The following ZBTB20 variants were observed in gnomAD, a reference collection of about 807,000 sequenced individuals.
ZBTB20 encodes zinc finger and BTB domain-containing protein 20.
In ZBTB20, 9 loss-of-function variants were observed where a neutral mutation model predicts 56.9. That is an observed-to-expected ratio of 0.16 (90% CI 0.10 to 0.28). The LOEUF (loss-of-function observed/expected upper bound fraction) is 0.28, where lower values mean the gene tolerates loss of function less well. Ranked by LOEUF, ZBTB20 falls within the 10% of genes least tolerant of loss-of-function variation. The probability of loss-of-function intolerance (pLI) is 1.00; values close to 1 mark genes in which losing one functional copy is unlikely to be tolerated. For synonymous variants in ZBTB20, 417 were observed against 420.7 expected, an observed-to-expected ratio of 0.99 and a Z score of 0.11; for missense variants, 655 against 1,003.0, an observed-to-expected ratio of 0.65 and a Z score of 4.69.
At chr3:114,800,721 A>G (rs2108839033) in intron 5 of ZBTB20, among the ~76,000 whole-genome samples, 1 of 151,668 alleles carries the variant, frequency 6.6e-6, no homozygotes, top group South Asian at 2.1e-4. Context: ...TGATTCCAAA[A>G]GAAATCTTTT....
chr3:115,091,140 A>G (rs929562074), intron 1 of ZBTB20, among the ~76,000 whole-genome samples: 2 of 152,016 alleles, frequency 1.3e-5, no homozygotes, highest in Admixed American at 6.6e-5. Context: ...AAATAAAAAA[A>G]TGGAATATTC....
intron 1 of ZBTB20, among the ~76,000 whole-genome samples, chr3:115,115,739 T>C (rs2083999396): frequency 6.6e-6 from 1 of 152,074 alleles, no homozygotes; most frequent in Non-Finnish European, 1.5e-5. Context: ...GTCTTCTAAA[T>C]ATTAATTTAA....
intron 3 of ZBTB20, among the ~76,000 whole-genome samples, chr3:114,965,922 T>A (rs1342362046): frequency 2.0e-5 from 3 of 152,174 alleles, no homozygotes; most frequent in Non-Finnish European, 4.4e-5. Flanking sequence ...TTATCAGGTG[T>A]ACATTTTGAA....
At chr3:114,446,963 T>G (rs1423546428) in intron 7 of ZBTB20, among the ~76,000 whole-genome samples, 1 of 152,170 alleles carries the variant, frequency 6.6e-6, no homozygotes, top group Admixed American at 6.6e-5. Context: ...GGAAGATAAT[T>G]TATTACATAC....
chr3:114,892,004 G>A (rs1332630854), intron 4 of ZBTB20, among the ~76,000 whole-genome samples: 1 of 151,604 alleles, frequency 6.6e-6, no homozygotes, highest in Admixed American at 6.6e-5. Flanking sequence ...CCGTGATCGC[G>A]CCTCTGCACT....
intron 6 of ZBTB20, among the ~76,000 whole-genome samples, chr3:114,582,893 G>T (rs1336028950): frequency 2.0e-5 from 3 of 152,158 alleles, no homozygotes; most frequent in Non-Finnish European, 4.4e-5. Flanking sequence ...TTCACTTCTT[G>T]ACTGACTATA....
intron 4 of ZBTB20, among the ~76,000 whole-genome samples, chr3:114,859,369 C>T (rs192005551): frequency 0.012 from 1,802 of 148,336 alleles, 36 homozygotes; most frequent in African/African-American, 0.043. Flanking sequence ...CTTCTCCTTC[C>T]TTTCTTCCTT....
chr3:114,474,123 A>G lies in ZBTB20; in HGVS notation c.-255+26229T>C, dbSNP rs142715197. Among the ~76,000 whole-genome samples, 1,141 of 152,294 alleles carry G rather than the reference A, an allele frequency of 7.5e-3. 8 individuals are homozygous for G. Among genetic ancestry groups the G allele is most frequent in the Non-Finnish European group, 0.01 (689 of 68,004 alleles). ...CTATCATGAGAATAGCACAGGAAAG[A>G]CAAGCCCCCTGATTCAATTACCTCC... On this transcript the variant is annotated intron_variant, in intron 7 of 11. Transcript: ENST00000675478.
At chr3:114,573,062 C>A (rs1273155848) in intron 6 of ZBTB20, among the ~76,000 whole-genome samples, 1 of 152,154 alleles carries the variant, frequency 6.6e-6, no homozygotes, top group Non-Finnish European at 1.5e-5. Context: ...AAACAAAGAA[C>A]AATCTAGATT....
chr3:115,045,647 G>A (rs577142374), intron 2 of ZBTB20, among the ~76,000 whole-genome samples: 18 of 151,888 alleles, frequency 1.2e-4, no homozygotes, highest in Middle Eastern at 3.4e-3. Flanking sequence ...CACTAACATG[G>A]AAGACTTTTA....
chr3:114,621,260 C>T (rs1391752140), intron 6 of ZBTB20, among the ~76,000 whole-genome samples: 2 of 152,102 alleles, frequency 1.3e-5, no homozygotes, highest in African/African-American at 4.8e-5. Flanking sequence ...AAATACTGTT[C>T]ATAAATATTT....
chr3:114,588,484 C>A (rs998376148), intron 6 of ZBTB20, among the ~76,000 whole-genome samples: 1 of 152,136 alleles, frequency 6.6e-6, no homozygotes, highest in South Asian at 2.1e-4. Context: ...TCCCTGGTCT[C>A]TTTTAGTGTA....
At chr3:115,046,338 G>GA (rs144698930) in intron 2 of ZBTB20, among the ~76,000 whole-genome samples, 7,543 of 151,184 alleles carry the variant, frequency 0.05, 630 homozygotes, top group African/African-American at 0.17. Context: ...AAAGTTGTTA[G>GA]AAAAAAAAAG....
intron 6 of ZBTB20, among the ~76,000 whole-genome samples, chr3:114,538,706 T>C (rs2048765115): frequency 1.3e-5 from 2 of 152,204 alleles, no homozygotes; most frequent in African/African-American, 4.8e-5. Context: ...GTCCTGTTTG[T>C]GTCTGAGCAT....
At chr3:115,008,068 T>C (rs557383269) in intron 2 of ZBTB20, among the ~76,000 whole-genome samples, 1 of 151,958 alleles carries the variant, frequency 6.6e-6, no homozygotes, top group East Asian at 2.0e-4. Flanking sequence ...CATCTTCAAC[T>C]TCAAACATCA....
At chr3:115,123,690 A>C (rs1211021476) in intron 1 of ZBTB20, among the ~76,000 whole-genome samples, 1 of 152,192 alleles carries the variant, frequency 6.6e-6, no homozygotes, top group African/African-American at 2.4e-5. Flanking sequence ...AAAACCAGTA[A>C]ACACACATCC....
intron 2 of ZBTB20, among the ~76,000 whole-genome samples, chr3:114,993,132 G>A (rs1054727516): frequency 6.6e-6 from 1 of 151,732 alleles, no homozygotes; most frequent in Non-Finnish European, 1.5e-5. Context: ...ATATATTAGT[G>A]AATAAAACAT....
intron 6 of ZBTB20, among the ~76,000 whole-genome samples, chr3:114,579,974 T>C (rs2054479225): frequency 6.6e-6 from 1 of 151,670 alleles, no homozygotes; most frequent in South Asian, 2.1e-4. Context: ...AAAATCCCAA[T>C]AATGTGAAAA....
intron 3 of ZBTB20, among the ~76,000 whole-genome samples, chr3:114,903,210 C>A (rs1041707880): frequency 2.6e-5 from 4 of 152,088 alleles, no homozygotes; most frequent in African/African-American, 9.7e-5. Flanking sequence ...ATCTTTAGTT[C>A]TGTGATCCTA....
Sources: allele counts gnomAD v4.1 joint callset (sites outside exome capture counted in the v4.1 genomes callset), GRCh38; gene constraint gnomAD v4.1.1; transcripts MANE v1.5; gene names NCBI Gene and HGNC (gene_info 2026-07-23, HGNC 2026-07-21).